CACNA2D1: variants seen among roughly 807,000 people sequenced by gnomAD.
The protein encoded by CACNA2D1 is calcium voltage-gated channel auxiliary subunit alpha2delta 1, also known as voltage-dependent calcium channel subunit alpha-2/delta-1.
A neutral mutation model predicts 171.5 loss-of-function variants in CACNA2D1; 53 were observed. That is an observed-to-expected ratio of 0.31 (90% CI 0.25 to 0.39). The LOEUF is 0.39. CACNA2D1 is among the 10% of genes least tolerant of loss of function. CACNA2D1 has a pLI of 1.00. For synonymous variants in CACNA2D1, 442 were observed against 443.1 expected, an observed-to-expected ratio of 1.00 and a Z score of 0.03; for missense variants, 903 against 1,299.8, an observed-to-expected ratio of 0.69 and a Z score of 4.69.
At chr7:82,405,571 T>A (rs1360518177) in intron 1 of CACNA2D1, among the ~76,000 whole-genome samples, 1 of 152,122 alleles carries the variant, frequency 6.6e-6, no homozygotes, top group African/African-American at 2.4e-5. Flanking sequence ...TTAACAGAAA[T>A]GCATCTGTGA....
intron 1 of CACNA2D1, among the ~76,000 whole-genome samples, chr7:82,351,554 T>C (rs1819846391): frequency 6.6e-6 from 1 of 152,064 alleles, no homozygotes; most frequent in African/African-American, 2.4e-5. Context: ...AGAATACTTA[T>C]TGAACCACGC....
intron 19 of CACNA2D1, among the ~76,000 whole-genome samples, chr7:81,996,478 A>C (rs37104): frequency 0.039 from 5,952 of 152,024 alleles, 364 homozygotes; most frequent in African/African-American, 0.13. Flanking sequence ...TGTAATCTAG[A>C]ATGCAAGAGC....
chr7:82,201,749 G>T (rs998761870), intron 3 of CACNA2D1, among the ~76,000 whole-genome samples: 1 of 152,150 alleles, frequency 6.6e-6, no homozygotes, highest in Admixed American at 6.6e-5. Context: ...AATACAAAAG[G>T]CTAACCCCTA....
intron 12 of CACNA2D1, among the ~76,000 whole-genome samples, chr7:82,017,140 T>A (rs1183969298): frequency 1.3e-5 from 2 of 152,060 alleles, no homozygotes; most frequent in Non-Finnish European, 2.9e-5. Context: ...TGCACATAGG[T>A]ATTTAATGAT....
intron 6 of CACNA2D1, among the ~76,000 whole-genome samples, chr7:82,085,352 G>T (rs1047233668): frequency 6.6e-6 from 1 of 151,986 alleles, no homozygotes; most frequent in Non-Finnish European, 1.5e-5. Flanking sequence ...TCCTGCTTGA[G>T]AACTACTGTG....
intron 12 of CACNA2D1, among the ~76,000 whole-genome samples, chr7:82,017,615 T>G: frequency 6.6e-6 from 1 of 152,012 alleles, no homozygotes; most frequent in East Asian, 1.9e-4. Context: ...CAGATGTTTT[T>G]TTTTTACTTC....
chr7:82,343,757 T>C lies in CACNA2D1; in HGVS notation c.177+5811A>G, dbSNP rs3801695. ...ACACATTTTGGCCAGAAAATTCATA[T>C]GCAATTAGAAGTGAAAAAGATCATA... On this transcript the variant is annotated intron_variant, in intron 2 of 38. Coordinates refer to ENST00000356860, the MANE Select transcript of CACNA2D1 (RefSeq NM_000722.4). 5.1e-3 allele frequency among the ~76,000 whole-genome samples: 780 copies of C among 152,246 alleles called. 21 individuals are homozygous for C. The East Asian group carries it at 0.081, about 16-fold the overall frequency.
At chr7:82,050,042 C>T (rs911346699) in intron 10 of CACNA2D1, among the ~76,000 whole-genome samples, 5 of 152,048 alleles carry the variant, frequency 3.3e-5, no homozygotes, top group African/African-American at 4.8e-5. Context: ...GGCTGAGTAG[C>T]GAAGTTCCTT....
At chr7:81,966,521 A>G (rs1296413593) in intron 31 of CACNA2D1, among the ~76,000 whole-genome samples, 1 of 151,452 alleles carries the variant, frequency 6.6e-6, no homozygotes, top group Non-Finnish European at 1.5e-5. Flanking sequence ...TTGGAGATAT[A>G]CAGACACACA....
At chr7:82,023,704 C>T (rs1801536664) in intron 12 of CACNA2D1, 2 of 151,654 alleles carry the variant, frequency 1.3e-5, no homozygotes, top group Admixed American at 1.3e-4. Context: ...TCCTAACACA[C>T]ATTTAAATGT....
chr7:82,154,932 G>A (rs1173755788), intron 4 of CACNA2D1, among the ~76,000 whole-genome samples: 2 of 152,092 alleles, frequency 1.3e-5, no homozygotes, highest in Non-Finnish European at 2.9e-5. Context: ...ATGGGGCCTG[G>A]TGAGAGGTGA....
intron 18 of CACNA2D1, among the ~76,000 whole-genome samples, chr7:82,001,303 C>A (rs896486064): frequency 2.0e-5 from 3 of 152,046 alleles, no homozygotes; most frequent in Non-Finnish European, 4.4e-5. Context: ...TATTTTATTT[C>A]CACGTAGAAG....
At chr7:82,121,842 T>C (rs1470172183) in intron 5 of CACNA2D1, among the ~76,000 whole-genome samples, 1 of 152,150 alleles carries the variant, frequency 6.6e-6, no homozygotes, top group Non-Finnish European at 1.5e-5. Flanking sequence ...ATGCCCATTC[T>C]TCAGGTAATA....
intron 3 of CACNA2D1, among the ~76,000 whole-genome samples, chr7:82,202,820 A>T (rs1799602514): frequency 7.6e-6 from 1 of 131,960 alleles, no homozygotes; most frequent in Non-Finnish European, 1.5e-5. Context: ...CGCTGTAAAG[A>T]CGGGGAAAAT....
intron 1 of CACNA2D1, among the ~76,000 whole-genome samples, chr7:82,416,336 T>C (rs1828166762): frequency 6.6e-6 from 1 of 152,176 alleles, no homozygotes; most frequent in South Asian, 2.1e-4. Context: ...AATAGTGATG[T>C]CATGAGCATC....
At chr7:82,310,459 T>A (rs910263804) in intron 3 of CACNA2D1, among the ~76,000 whole-genome samples, 2 of 151,928 alleles carry the variant, frequency 1.3e-5, no homozygotes, top group African/African-American at 4.8e-5. Flanking sequence ...AAAGGAGAAT[T>A]TCAAATTTTA....
chr7:82,285,686 G>A (rs1170263857), intron 3 of CACNA2D1, among the ~76,000 whole-genome samples: 2 of 152,012 alleles, frequency 1.3e-5, no homozygotes, highest in African/African-American at 4.8e-5. Context: ...ATATATGAAC[G>A]CATGGGACAG....
intron 1 of CACNA2D1, among the ~76,000 whole-genome samples, chr7:82,403,059 G>A (rs570926016): frequency 1.3e-5 from 2 of 152,256 alleles, no homozygotes; most frequent in Non-Finnish European, 2.9e-5. Flanking sequence ...GCATAAAAAG[G>A]GGAGTATTCA....
chr7:82,261,320 A>T (rs1311471773), intron 3 of CACNA2D1, among the ~76,000 whole-genome samples: 1 of 152,200 alleles, frequency 6.6e-6, no homozygotes, highest in Non-Finnish European at 1.5e-5. Flanking sequence ...CAAACCCTGC[A>T]TTGTGTTATA....
Sources: gnomAD v4.1 joint callset for allele counts (sites outside exome capture counted in the v4.1 genomes callset) on GRCh38, gnomAD v4.1.1 for gene constraint, MANE v1.5 for transcripts, NCBI Gene and HGNC (gene_info 2026-07-23, HGNC 2026-07-21) for gene names.